The following NADSYN1 variants were observed in gnomAD, a reference collection of about 807,000 sequenced individuals.
NADSYN1 encodes NAD synthetase 1, also known as glutamine-dependent NAD(+) synthetase.
A neutral mutation model predicts 99.3 loss-of-function variants in NADSYN1; 80 were observed. The ratio of observed to expected loss-of-function variants is 0.81; its 90% CI spans 0.67 to 0.97. NADSYN1 has a LOEUF of 0.97. Ranked by LOEUF, NADSYN1 falls within the 50% of genes least tolerant of loss-of-function variation. NADSYN1 has a pLI of 0.00. For missense variants in NADSYN1, 859 were observed against 948.5 expected (o/e 0.91, Z 1.24); for synonymous variants, 385 against 372.1 (o/e 1.03, Z -0.40).
At position 71,485,614 on chromosome 11, in the gene NADSYN1, C is replaced by T. The variant is rs373777671; in HGVS notation, c.1528C>T (p.Leu510Phe). 860 of 1,559,402 alleles carry T rather than the reference C, an allele frequency of 5.5e-4. 7 individuals carry two copies. In the South Asian group the frequency reaches 8.9e-3, roughly 16 times the overall value. Reference protein sequence around the residue: ...SLWSRGVHGGLLVLGSANVDE... With the variant: ...SLWSRGVHGGFLVLGSANVDE... ...CTGGTCTCGGGGTGTCCACGGTGGG[C>T]TCCTCGTGCTGGGATCCGCCAACGT... Residue 510 changes from leucine to phenylalanine, a missense_variant, in exon 16 of 21, where the codon CTC becomes TTC. By Grantham distance (22) the Leu-to-Phe change is conservative (BLOSUM62 0). Coordinates refer to ENST00000319023, the MANE Select transcript of NADSYN1 (RefSeq NM_018161.5).
chr11:71,468,533 A>G (rs1052582110), intron 5 of NADSYN1, among the ~76,000 whole-genome samples: 71 of 152,090 alleles, frequency 4.7e-4, no homozygotes, highest in African/African-American at 1.5e-3. Flanking sequence ...CAGGCAGAAG[A>G]AAAGAAGACT....
chr11:71,490,846 C>G lies in NADSYN1; in HGVS notation c.1564C>G (p.Leu522Val), dbSNP rs1450521112. Residue 522 changes from leucine (L) to valine (V), a missense_variant and splice_region_variant, in exon 17 of 21, where the codon CTC (leucine) becomes GTC (valine). Coordinates refer to ENST00000319023, the MANE Select transcript of NADSYN1 (RefSeq NM_018161.5). ...CGCTCTTTCTCCCTCTCCCTGCAGTCTCCTGGGCTACCTGACCAAGTACGA... is the reference window on the plus strand; with the variant it reads ...CGCTCTTTCTCCCTCTCCCTGCAGTGTCCTGGGCTACCTGACCAAGTACGA... ...VLGSANVDES[L>V]LGYLTKYDCS... 6.2e-7 allele frequency: 1 copy of G among 1,614,156 alleles called. No individual in the cohort carries two copies. Among genetic ancestry groups the G allele is most frequent in the Non-Finnish European group, 8.5e-7 (1 of 1,179,996 alleles).
At chr11:71,468,872 C>T (rs764615898) in intron 5 of NADSYN1, among the ~76,000 whole-genome samples, 1 of 152,246 alleles carries the variant, frequency 6.6e-6, no homozygotes, top group Middle Eastern at 3.4e-3. Context: ...AGAAAGATAC[C>T]ATTTATGACA....
Position 71,453,300 on chromosome 11 carries a change from G to T in NADSYN1, c.4G>T (p.Gly2Cys). Residue 2 changes from glycine (G) to cysteine (C), a missense_variant, in exon 1 of 21, where the codon GGC becomes TGC. Transcript: ENST00000319023. Reference sequence around the variant, plus strand: ...TGCCCAAGCGACTGCGGCCAGGATGGGCCGGAAGGTGACCGTGGCCACCTG... The same window carrying T: ...TGCCCAAGCGACTGCGGCCAGGATGTGCCGGAAGGTGACCGTGGCCACCTG... M[G>C]RKVTVATCAL... 1 of 1,613,570 alleles carries T rather than the reference G, an allele frequency of 6.2e-7. No homozygotes were observed. The highest frequency in any genetic ancestry group is 8.5e-7 in the Non-Finnish European group (1 of 1,179,680).
Position 71,498,411 on chromosome 11 carries a change from C to A in NADSYN1, c.1953C>A (p.Thr651=), listed in dbSNP as rs776203138. ...SKYSMNRHKM[T]TLTPAYHAEN... ...ACTCCATGAACAGACACAAGATGAC[C>A]ACGCTCACACCCGCGTACCACGCCG... The change falls in exon 20 of 21, where the codon ACC becomes ACA. Residue 651 remains threonine (T), a synonymous_variant. Coordinates refer to ENST00000319023, the MANE Select transcript of NADSYN1 (RefSeq NM_018161.5). The A allele has an allele frequency of 6.2e-7, 1 of 1,614,164 alleles. No homozygotes were observed. Among genetic ancestry groups the A allele is most frequent in the Non-Finnish European group, 8.5e-7 (1 of 1,180,038 alleles).
At chr11:71,471,616 A>G (rs945620743) in intron 5 of NADSYN1, among the ~76,000 whole-genome samples, 7 of 152,160 alleles carry the variant, frequency 4.6e-5, no homozygotes, top group Non-Finnish European at 1.0e-4. Flanking sequence ...TTTAAAATGC[A>G]TTTCGGTGCA....
At chr11:71,474,699 G>T in intron 9 of NADSYN1, 173 bp downstream of exon 9, 1 of 763,504 alleles carries the variant, frequency 1.3e-6, no homozygotes, top group Middle Eastern at 3.8e-4. Context: ...GGGCCCCTGT[G>T]GAGAAGCCCC....
chr11:71,457,257 C>G (rs1203978560), intron 2 of NADSYN1, among the ~76,000 whole-genome samples: 1 of 152,242 alleles, frequency 6.6e-6, no homozygotes, highest in Non-Finnish European at 1.5e-5. Context: ...CTCCTGGATG[C>G]CTTTTCTATC....
intron 10 of NADSYN1, chr11:71,478,850 C>T (rs1464015859): frequency 1.6e-5 from 3 of 187,880 alleles, no homozygotes; most frequent in African/African-American, 6.9e-5. Flanking sequence ...CGAGGCTGGT[C>T]CCCACTTCGG....
intron 15 of NADSYN1, chr11:71,484,744 T>C (rs1043452048): frequency 8.1e-6 from 3 of 371,432 alleles, no homozygotes; most frequent in Non-Finnish European, 1.5e-5. Flanking sequence ...TGCATGAGCC[T>C]GAGTGCAAGA....
intron 5 of NADSYN1, among the ~76,000 whole-genome samples, chr11:71,471,047 T>C (rs1213373978): frequency 1.3e-5 from 2 of 152,238 alleles, no homozygotes; most frequent in African/African-American, 4.8e-5. Context: ...TGTCATTTAT[T>C]TGTGCTTTTG....
chr11:71,485,607 C>A lies in NADSYN1; in HGVS notation c.1521C>A (p.His507Gln). Residue 507 changes from histidine (H) to glutamine (Q), a missense_variant, in exon 16 of 21, where the codon CAC becomes CAA. By Grantham distance (24) the His-to-Gln change is conservative. Coordinates refer to ENST00000319023, the MANE Select transcript of NADSYN1 (RefSeq NM_018161.5). The stretch of plus-strand genomic sequence containing the variant: ...TGAGCCTCTGGTCTCGGGGTGTCCA[C>A]GGTGGGCTCCTCGTGCTGGGATCCG... ...AQLSLWSRGVHGGLLVLGSAN... is the reference protein window; with the variant it reads ...AQLSLWSRGVQGGLLVLGSAN... The A allele has an allele frequency of 6.4e-7, 1 of 1,561,212 alleles. No individual in the cohort carries two copies. The highest frequency in any genetic ancestry group is 1.9e-5 in the Admixed American group (1 of 51,876).
Position 71,484,727 on chromosome 11 carries a change from G to T in NADSYN1, c.1455+280G>T. 4 of 423,070 alleles carry T rather than the reference G, an allele frequency of 9.5e-6. 1 individual carries two copies. In the South Asian group the frequency reaches 1.1e-4, roughly 12 times the overall value. 26.2% of individuals were successfully genotyped at this position (423,070 alleles called of 1,614,324 possible). A position where few individuals can be genotyped will look rare whatever the true frequency, so the allele number is the denominator to read the frequency against. On this transcript the variant is annotated intron_variant, in intron 15 of 20. Coordinates refer to ENST00000319023, the MANE Select transcript of NADSYN1 (RefSeq NM_018161.5). ...CGGGGGTGTAAGGATGTGCGTGCTC[G>T]AGTGTGTGCATGAGCCTGAGTGCAA...
At chr11:71,463,582 G>A (rs559584434) in intron 4 of NADSYN1, 97 bp downstream of exon 4, 78 of 1,202,628 alleles carry the variant, frequency 6.5e-5, no homozygotes, top group East Asian at 2.3e-4. Flanking sequence ...CTGGGGACCC[G>A]TTGCTGGGAG....
At chr11:71,457,203 G>T (rs932756267) in intron 2 of NADSYN1, among the ~76,000 whole-genome samples, 1 of 152,254 alleles carries the variant, frequency 6.6e-6, no homozygotes, top group African/African-American at 2.4e-5. Flanking sequence ...CGGATCCGTT[G>T]GAGGAGAAAG....
intron 5 of NADSYN1, among the ~76,000 whole-genome samples, chr11:71,470,974 T>G (rs1949622825): frequency 6.6e-6 from 1 of 152,234 alleles, no homozygotes; most frequent in South Asian, 2.1e-4. Context: ...TCCTGTGCTT[T>G]GTTTTCTTAT....
intron 2 of NADSYN1, among the ~76,000 whole-genome samples, chr11:71,456,796 A>C (rs1458328848): frequency 6.6e-6 from 1 of 152,230 alleles, no homozygotes; most frequent in African/African-American, 2.4e-5. Context: ...CCTGCTGAGC[A>C]GGCTCCTGTG....
intron 16 of NADSYN1, among the ~76,000 whole-genome samples, chr11:71,490,293 T>C (rs950965335): frequency 2.6e-5 from 4 of 152,170 alleles, no homozygotes; most frequent in Non-Finnish European, 4.4e-5. Context: ...TAAGGACCCC[T>C]GTGATTGCAT....
chr11:71,476,337 G>T, intron 9 of NADSYN1: 1 of 354,816 alleles, frequency 2.8e-6, no homozygotes, highest in South Asian at 2.1e-5. Flanking sequence ...GGAGCAGGGC[G>T]AGCTTGTGTC....
Sources: gnomAD v4.1 joint callset for allele counts (sites outside exome capture counted in the v4.1 genomes callset) on GRCh38, gnomAD v4.1.1 for gene constraint, MANE v1.5 for transcripts, NCBI Gene and HGNC (gene_info 2026-07-23, HGNC 2026-07-21) for gene names.